Variants in CPS1 observed in about 807,000 individuals in gnomAD.
CPS1 encodes the protein carbamoyl-phosphate synthase [ammonia], mitochondrial.
A neutral mutation model predicts 174.6 loss-of-function variants in CPS1; 109 were observed. That is an observed-to-expected ratio of 0.62 (90% confidence interval 0.53 to 0.73). The LOEUF is 0.73. Ranked by LOEUF, CPS1 falls within the 30% of genes least tolerant of loss-of-function variation. The probability of loss-of-function intolerance (pLI) is 0.00; values close to 1 mark genes in which losing one functional copy is unlikely to be tolerated. For missense variants in CPS1, 1,689 were observed against 1,821.9 expected, an observed-to-expected ratio of 0.93 and a Z score of 1.33; for synonymous variants, 637 against 632.0, an observed-to-expected ratio of 1.01 and a Z score of -0.12.
chr2:210,659,918 C>T lies in CPS1; in HGVS notation c.3757-567C>T, dbSNP rs571169157. The stretch of plus-strand genomic sequence containing the variant: ...AGATTTTGTATTGTGAACTGGATCT[C>T]GCAAAACGGTTGGAATTTTGACAAG... On this transcript the variant is annotated intron_variant, in intron 31 of 37. Coordinates refer to ENST00000233072, the MANE Select transcript of CPS1 (RefSeq NM_001875.5). Among the ~76,000 whole-genome samples the T allele has an allele frequency of 3.3e-4, 50 of 152,122 alleles. No homozygotes were observed. The South Asian group carries it at 7.9e-3, about 24-fold the overall frequency.
At chr2:210,621,975 G>A (rs1044223898) in intron 21 of CPS1, among the ~76,000 whole-genome samples, 1 of 151,832 alleles carries the variant, frequency 6.6e-6, no homozygotes, top group Non-Finnish European at 1.5e-5. Flanking sequence ...AGTAAACTGA[G>A]GCACTGAGAG....
At chr2:210,669,068 T>C (rs925888894) in intron 34 of CPS1, among the ~76,000 whole-genome samples, 1 of 152,202 alleles carries the variant, frequency 6.6e-6, no homozygotes, top group Non-Finnish European at 1.5e-5. Flanking sequence ...GTAGAAGTTC[T>C]TGAAATATTA....
At chr2:210,672,976 A>G (rs1039185831) in intron 34 of CPS1, 3 of 152,184 alleles carry the variant, frequency 2.0e-5, no homozygotes, top group Non-Finnish European at 4.4e-5. Flanking sequence ...GCAAGTAAAT[A>G]TTAGGGGGTG....
intron 33 of CPS1, among the ~76,000 whole-genome samples, chr2:210,663,971 A>C (rs1701007012): frequency 6.6e-6 from 1 of 152,118 alleles, no homozygotes; most frequent in African/African-American, 2.4e-5. Flanking sequence ...TAAAAGGATA[A>C]AATACTTAAT....
At position 210,612,222 on chromosome 2, in the gene CPS1, T is replaced by A; in HGVS notation, c.2497T>A (p.Trp833Arg). Residue 833 changes from tryptophan to arginine, a missense_variant, in exon 20 of 38, where the codon TGG becomes AGG. Trp to Arg is a moderately radical substitution (Grantham distance 101). Transcript: ENST00000233072. The stretch of plus-strand genomic sequence containing the variant: ...TCCCCGTCTCCCAATGAACAAAGAA[T>A]GGCCATCTAATTTAGATCTTAGAAA... ...FTPRLPMNKEWPSNLDLRKEL... is the reference protein window; with the variant it reads ...FTPRLPMNKERPSNLDLRKEL... 1 of 1,612,260 alleles carries A rather than the reference T, an allele frequency of 6.2e-7. No homozygotes were observed. The highest frequency in any genetic ancestry group is 8.5e-7 in the Non-Finnish European group (1 of 1,178,876).
At chr2:210,660,350 A>G in intron 31 of CPS1, 135 bp from the exon 32 acceptor site, 2 of 866,320 alleles carry the variant, frequency 2.3e-6, no homozygotes, top group Non-Finnish European at 3.8e-6. Context: ...CAGTAAGGAG[A>G]AAAGAGACAA....
At chr2:210,611,744 C>T (rs901780232) in intron 19 of CPS1, among the ~76,000 whole-genome samples, 5 of 151,792 alleles carry the variant, frequency 3.3e-5, no homozygotes, top group African/African-American at 1.2e-4. Flanking sequence ...ATTTGCCTTC[C>T]ATTCTAAAGA....
At position 210,531,331 on chromosome 2, in the gene CPS1, G is replaced by A. The variant is rs1174234462; in HGVS notation, c.4-25388G>A. 3.3e-5 allele frequency among the ~76,000 whole-genome samples: 5 copies of A among 152,034 alleles called. No individual in the cohort carries two copies. The South Asian group carries it at 1.0e-3, about 31-fold the overall frequency. On this transcript the variant is annotated intron_variant, in intron 1 of 38. Transcript: ENST00000430249. ...TCTTCTGCCAGCCTTGGCTCCTGTG[G>A]TTTCTATTTAGCATCGTGTAATGGT...
Position 210,484,964 on chromosome 2 carries a change from C to T in CPS1, c.3+7198C>T, listed in dbSNP as rs192369928. On this transcript the variant is annotated intron_variant, in intron 1 of 38. Coordinates refer to the CPS1 transcript ENST00000430249. ...TAGATCTTGGCCAGGCATGGTGGCT[C>T]ACGCCTGTAATCCCAGCACTTTGGG... 7.3e-5 allele frequency among the ~76,000 whole-genome samples: 11 copies of T among 151,712 alleles called. No individual in the cohort carries two copies. In the East Asian group the frequency reaches 1.7e-3, roughly 24 times the overall value.
At chr2:210,597,021 A>T (rs189493017) in intron 13 of CPS1, among the ~76,000 whole-genome samples, 143 of 152,040 alleles carry the variant, frequency 9.4e-4, no homozygotes, top group Non-Finnish European at 1.1e-3. Context: ...GTTTAAAATA[A>T]ATGAACACTC....
In CPS1 at chr2:210,616,439, T is replaced by A. The variant is rs1343108395; in HGVS notation, c.2585T>A (p.Met862Lys). The A allele has an allele frequency of 1.9e-6, 3 of 1,610,984 alleles. No individual in the cohort carries two copies. Among genetic ancestry groups the A allele is most frequent in the Non-Finnish European group, 2.5e-6 (3 of 1,177,668 alleles). The change falls in exon 21 of 38, where the codon ATG becomes AAG. Residue 862 changes from methionine (M) to lysine (K), a missense_variant. Transcript: ENST00000233072. ...YAIAKAIDDN[M>K]SLDEIEKLTY... Reference sequence around the variant, plus strand: ...TCTTGGCAGGCCATTGATGACAACATGTCCCTTGATGAGATTGAGAAGCTC... The same window carrying A: ...TCTTGGCAGGCCATTGATGACAACAAGTCCCTTGATGAGATTGAGAAGCTC...
intron 34 of CPS1, chr2:210,673,912 C>T (rs1186965182): frequency 1.3e-5 from 2 of 151,954 alleles, no homozygotes; most frequent in East Asian, 3.9e-4. Flanking sequence ...AGTTGAAATA[C>T]TACTATTGTC....
intron 1 of CPS1, among the ~76,000 whole-genome samples, chr2:210,535,888 A>G (rs893962358): frequency 7.0e-6 from 1 of 143,670 alleles, no homozygotes; most frequent in Admixed American, 7.4e-5. Context: ...TCTACGCAGC[A>G]TAACTCCTGC....
At chr2:210,591,384 A>G (rs1698291030) in intron 9 of CPS1, among the ~76,000 whole-genome samples, 1 of 152,004 alleles carries the variant, frequency 6.6e-6, no homozygotes, top group Non-Finnish European at 1.5e-5. Flanking sequence ...ATATTAATTT[A>G]TTAAACATCA....
chr2:210,612,446 A>C (rs749297635), intron 20 of CPS1, among the ~76,000 whole-genome samples, 153 bp downstream of exon 20: 1 of 151,982 alleles, frequency 6.6e-6, no homozygotes, highest in African/African-American at 2.4e-5. Flanking sequence ...GGAAACATCT[A>C]TAGATTTCAT....
At chr2:210,601,629 C>T (rs1192846477) in intron 15 of CPS1, among the ~76,000 whole-genome samples, 1 of 151,850 alleles carries the variant, frequency 6.6e-6, no homozygotes, top group Non-Finnish European at 1.5e-5. Flanking sequence ...AATTACATTC[C>T]CATTGGTAGT....
Position 210,492,795 on chromosome 2 carries a change from A to T in CPS1, c.3+15029A>T, listed in dbSNP as rs370727723. Among the ~76,000 whole-genome samples the T allele has an allele frequency of 2.0e-4, 31 of 152,306 alleles. No homozygotes were observed. In the East Asian group the frequency reaches 4.2e-3, roughly 21 times the overall value. On this transcript the variant is annotated intron_variant, in intron 1 of 38. Transcript: ENST00000430249. The stretch of plus-strand genomic sequence containing the variant: ...CTCTTGGAGTACTGTTTTAACAAAC[A>T]ATATAAAATACAAAGGATTCAAAGA...
chr2:210,616,444 C>G lies in CPS1; in HGVS notation c.2590C>G (p.Leu864Val). The G allele has an allele frequency of 6.2e-7, 1 of 1,611,592 alleles. No homozygotes were observed. ...GCAGGCCATTGATGACAACATGTCCCTTGATGAGATTGAGAAGCTCACATA... is the reference window on the plus strand; with the variant it reads ...GCAGGCCATTGATGACAACATGTCCGTTGATGAGATTGAGAAGCTCACATA... ...IAKAIDDNMS[L>V]DEIEKLTYID... Residue 864 changes from leucine (L) to valine (V), a missense_variant, in exon 21 of 38, where the codon CTT becomes GTT. By Grantham distance (32) the Leu-to-Val change is conservative. Transcript: ENST00000233072.
chr2:210,660,217 C>A (rs1479317319), intron 31 of CPS1, among the ~76,000 whole-genome samples: 1 of 152,000 alleles, frequency 6.6e-6, no homozygotes, highest in Non-Finnish European at 1.5e-5. Context: ...AGGGGTATGG[C>A]ATTATTTGAG....
Sources: gnomAD v4.1 joint callset for allele counts (sites outside exome capture counted in the v4.1 genomes callset) on GRCh38, gnomAD v4.1.1 for gene constraint, MANE v1.5 for transcripts, NCBI Gene and HGNC (gene_info 2026-07-23, HGNC 2026-07-21) for gene names.